Variants in ZBTB49 observed in about 807,000 individuals in gnomAD.
The protein encoded by ZBTB49 is zinc finger and BTB domain containing 49, also known as zinc finger and BTB domain-containing protein 49.
A neutral mutation model predicts 57.5 loss-of-function variants in ZBTB49; 43 were observed. The ratio of observed to expected loss-of-function variants is 0.75; its 90% CI spans 0.59 to 0.97. The LOEUF (loss-of-function observed/expected upper bound fraction) is 0.97, where lower values mean the gene tolerates loss of function less well. Ranked by LOEUF, ZBTB49 falls within the 50% of genes least tolerant of loss-of-function variation. The pLI is 0.00. For synonymous variants in ZBTB49, 369 were observed against 362.1 expected, an observed-to-expected ratio of 1.02 and a Z score of -0.22; for missense variants, 938 against 947.7, an observed-to-expected ratio of 0.99 and a Z score of 0.13.
In ZBTB49 at chr4:4,314,315, T is replaced by G. The variant is rs16835575; in HGVS notation, c.1376+1201T>G. On this transcript the variant is annotated intron_variant, in intron 5 of 7. Coordinates refer to ENST00000337872, the MANE Select transcript of ZBTB49 (RefSeq NM_145291.4). ...CCCCTGCATGTCTTGTTTTGCATGG[T>G]GTTTGAAATCTGAACTTTCTGAATT... 8.2e-3 allele frequency among the ~76,000 whole-genome samples: 1,257 copies of G among 152,372 alleles called. 23 individuals carry two copies. Among genetic ancestry groups the G allele is most frequent in the African/African-American group, 0.029 (1,193 of 41,586 alleles).
intron 1 of ZBTB49, among the ~76,000 whole-genome samples, chr4:4,294,872 C>CGT (rs10626183): frequency 0.22 from 30,255 of 137,446 alleles, 3,554 homozygotes; most frequent in Non-Finnish European, 0.29. Context: ...AGGAGGGTTT[C>CGT]GTGTGTGTGT....
chr4:4,320,788 C>T lies in ZBTB49; in HGVS notation c.1770C>T (p.Asp590=), dbSNP rs573672529. ...AGAAGATGCACTGCAAAGCTGGTGA[C>T]GAGAGCCCAGATGTGCTGGAGGAGC... ...RHKKMHCKAG[D]ESPDVLEELS... The change falls in exon 8 of 8, where the codon GAC becomes GAT. Residue 590 remains aspartate (D), a synonymous_variant. Transcript: ENST00000337872. 138 of 1,614,164 alleles carry T rather than the reference C, an allele frequency of 8.5e-5. 1 individual carries two copies. The South Asian group carries it at 1.3e-3, about 15-fold the overall frequency.
At chr4:4,290,887 T>C (rs1458207254) in intron 1 of ZBTB49, among the ~76,000 whole-genome samples, 1 of 152,262 alleles carries the variant, frequency 6.6e-6, no homozygotes, top group Non-Finnish European at 1.5e-5. Context: ...TCGTATTTCA[T>C]GAGTTGGTGC....
intron 1 of ZBTB49, among the ~76,000 whole-genome samples, chr4:4,296,025 G>A (rs1357497887): frequency 1.3e-5 from 2 of 152,232 alleles, no homozygotes; most frequent in African/African-American, 4.8e-5. Context: ...TGATTGTCAA[G>A]GGAAAGAGGA....
At position 4,313,063 on chromosome 4, in the gene ZBTB49, T is replaced by TA; in HGVS notation, c.1326dup (p.Arg443ThrfsTer6). ...CAGGCAGGTAACTTGCAGACTCACTTACGACGGCATTCTGGTGAAAAACCA... is the reference window on the plus strand; with the variant it reads ...CAGGCAGGTAACTTGCAGACTCACTTAACGACGGCATTCTGGTGAAAAACCA... On this transcript the variant is annotated frameshift_variant, in exon 5 of 8. Coordinates refer to ENST00000337872, the MANE Select transcript of ZBTB49 (RefSeq NM_145291.4). LOFTEE classifies it high-confidence loss of function. 6.2e-7 allele frequency: 1 copy of TA among 1,614,210 alleles called. No individual in the cohort carries two copies. Among genetic ancestry groups the TA allele is most frequent in the Non-Finnish European group, 8.5e-7 (1 of 1,180,002 alleles).
intron 4 of ZBTB49, among the ~76,000 whole-genome samples, chr4:4,309,694 T>G (rs1217364499): frequency 6.6e-6 from 1 of 152,178 alleles, no homozygotes; most frequent in South Asian, 2.1e-4. Flanking sequence ...ATAGGAGGCA[T>G]TTCCAGGGTG....
chr4:4,302,599 C>T lies in ZBTB49; in HGVS notation c.763C>T (p.Gln255Ter), dbSNP rs774416482. 1.9e-6 allele frequency: 3 copies of T among 1,613,704 alleles called. No individual in the cohort carries two copies. Among genetic ancestry groups the T allele is most frequent in the Non-Finnish European group, 2.5e-6 (3 of 1,179,840 alleles). Reference protein sequence around the residue: ...TSTDLTTVESQPCAVSHSECI... With the variant: ...TSTDLTTVES Reference sequence around the variant, plus strand: ...TACAGACCTTACCACGGTAGAGAGCCAGCCTTGTGCCGTCAGTCATTCTGA... The same window carrying T: ...TACAGACCTTACCACGGTAGAGAGCTAGCCTTGTGCCGTCAGTCATTCTGA... Residue 255 changes from glutamine to a stop codon, truncating the protein, a stop_gained, in exon 3 of 8, where the codon CAG (glutamine) becomes TAG (stop). Transcript: ENST00000337872. LOFTEE classifies it high-confidence loss of function.
At chr4:4,301,324 T>A (rs1474454612) in intron 2 of ZBTB49, among the ~76,000 whole-genome samples, 1 of 152,218 alleles carries the variant, frequency 6.6e-6, no homozygotes, top group African/African-American at 2.4e-5. Context: ...AGAGTGCATT[T>A]TGGTCTTCAC....
At position 4,321,485 on chromosome 4, in the gene ZBTB49, G is replaced by C. The variant is rs1327704508; in HGVS notation, c.*169G>C. 1.3e-6 allele frequency: 1 copy of C among 777,632 alleles called. No homozygotes were observed. The highest frequency in any genetic ancestry group is 2.0e-6 in the Non-Finnish European group (1 of 500,134). The allele number at this position is 777,632 out of a possible 1,614,324, so 48.2% of individuals were successfully genotyped here. A position where few individuals can be genotyped will look rare whatever the true frequency, so the allele number is the denominator to read the frequency against. On this transcript the variant is annotated 3_prime_UTR_variant, in exon 8 of 8. Coordinates refer to ENST00000337872, the MANE Select transcript of ZBTB49 (RefSeq NM_145291.4). The stretch of plus-strand genomic sequence containing the variant: ...CTGAAGCATCTTGAGCTGGGGGTGT[G>C]AGGGGGAGGGCCTGCTGGCTCACCG...
chr4:4,292,739 C>G (rs1443277390), intron 1 of ZBTB49, among the ~76,000 whole-genome samples: 1 of 152,098 alleles, frequency 6.6e-6, no homozygotes. Context: ...CTTTAAGGTG[C>G]GTGAACTGTG....
intron 1 of ZBTB49, among the ~76,000 whole-genome samples, chr4:4,290,817 G>A (rs1199361022): frequency 6.6e-6 from 1 of 152,216 alleles, no homozygotes; most frequent in Non-Finnish European, 1.5e-5. Flanking sequence ...GCCTCTTTGT[G>A]CCTCAGCCCC....
chr4:4,311,184 T>C lies in ZBTB49; in HGVS notation c.1303-1857T>C, dbSNP rs183187798. On this transcript the variant is annotated intron_variant, in intron 4 of 7. Transcript: ENST00000337872. ...TTAAAATATTAAATGGAAGATCATT[T>C]GATTATATTTCTTTTGAAAACAAGT... Among the ~76,000 whole-genome samples, 318 of 152,378 alleles carry C rather than the reference T, an allele frequency of 2.1e-3. 1 individual carries two copies. The highest frequency in any genetic ancestry group is 7.0e-3 in the African/African-American group (290 of 41,594).
chr4:4,301,302 T>G (rs963612929), intron 2 of ZBTB49, among the ~76,000 whole-genome samples: 2 of 152,332 alleles, frequency 1.3e-5, no homozygotes, highest in East Asian at 1.9e-4. Context: ...CAGAATAAAG[T>G]GCCTGGGCTT....
At chr4:4,298,338 A>G (rs1053430008) in intron 1 of ZBTB49, among the ~76,000 whole-genome samples, 2 of 152,198 alleles carry the variant, frequency 1.3e-5, no homozygotes, top group Non-Finnish European at 2.9e-5. Flanking sequence ...TGGGATTAGT[A>G]TTGTAGTGAC....
At position 4,316,050 on chromosome 4, in the gene ZBTB49, C is replaced by G. The variant is rs1470264; in HGVS notation, c.1621+80C>G. 28 of 1,538,518 alleles carry G rather than the reference C, an allele frequency of 1.8e-5. No individual in the cohort carries two copies. The Middle Eastern group carries it at 9.1e-4, about 50-fold the overall frequency. On this transcript the variant is annotated intron_variant, in intron 7 of 7. Coordinates refer to ENST00000337872, the MANE Select transcript of ZBTB49 (RefSeq NM_145291.4). ...TCCCCCAGCCCTCATTAGCTGAGTG[C>G]GTGTCTGGGATGAGCCCTTTGTTTC...
chr4:4,313,897 A>G lies in ZBTB49; in HGVS notation c.1376+783A>G, dbSNP rs564779704. On this transcript the variant is annotated intron_variant, in intron 5 of 7. Coordinates refer to ENST00000337872, the MANE Select transcript of ZBTB49 (RefSeq NM_145291.4). Reference sequence around the variant, plus strand: ...ATTTATTTAATCATTCATTGATTCAACATTTTTTAGACACCTGCTGTATGC... The same window carrying G: ...ATTTATTTAATCATTCATTGATTCAGCATTTTTTAGACACCTGCTGTATGC... Among the ~76,000 whole-genome samples the G allele has an allele frequency of 3.3e-5, 5 of 152,348 alleles. No homozygotes were observed. In the East Asian group the frequency reaches 9.6e-4, roughly 29 times the overall value.
Position 4,315,807 on chromosome 4 carries a change from A to G in ZBTB49, c.1460-2A>G. 2 of 1,614,210 alleles carry G rather than the reference A, an allele frequency of 1.2e-6. No homozygotes were observed. The highest frequency in any genetic ancestry group is 1.7e-5 in the Admixed American group (1 of 60,030). ...GCTTAACACCTGTTATGGTCTCTCTAGGGTTTAGTAACTTCAGTAATTTGA... is the reference window on the plus strand; with the variant it reads ...GCTTAACACCTGTTATGGTCTCTCTGGGGTTTAGTAACTTCAGTAATTTGA... On this transcript the variant is annotated splice_acceptor_variant, in intron 6 of 7. Transcript: ENST00000337872. LOFTEE classifies it high-confidence loss of function.
At chr4:4,298,567 C>T (rs949647518) in intron 1 of ZBTB49, among the ~76,000 whole-genome samples, 3 of 152,152 alleles carry the variant, frequency 2.0e-5, no homozygotes, top group African/African-American at 7.2e-5. Flanking sequence ...GCTGGGACTA[C>T]AGGCATGTGC....
intron 4 of ZBTB49, among the ~76,000 whole-genome samples, chr4:4,309,945 T>G (rs760112850): frequency 1.3e-5 from 2 of 152,248 alleles, no homozygotes; most frequent in Non-Finnish European, 2.9e-5. Flanking sequence ...TCCTAAAGTC[T>G]TGAAACTCCT....
Sources: gnomAD v4.1 joint callset for allele counts (sites outside exome capture counted in the v4.1 genomes callset) on GRCh38, gnomAD v4.1.1 for gene constraint, MANE v1.5 for transcripts, NCBI Gene and HGNC (gene_info 2026-07-23, HGNC 2026-07-21) for gene names.